CLEC19A: variants seen among roughly 807,000 people sequenced by gnomAD.
CLEC19A encodes the protein C-type lectin domain containing 19A.
A neutral mutation model predicts 26.1 loss-of-function variants in CLEC19A; 21 were observed. The ratio of observed to expected loss-of-function variants is 0.80; its 90% CI spans 0.57 to 1.16. The LOEUF (loss-of-function observed/expected upper bound fraction) is 1.16, where lower values mean the gene tolerates loss of function less well. Ranked by LOEUF, CLEC19A falls within the 50% of genes most tolerant of loss-of-function variation. CLEC19A has a pLI of 0.00. For synonymous variants in CLEC19A, 89 were observed against 88.6 expected (o/e 1.00, Z -0.03); for missense variants, 224 against 227.6 (o/e 0.98, Z 0.10).
intron 1 of CLEC19A, among the ~76,000 whole-genome samples, chr16:19,288,751 G>A (rs933646387): frequency 2.0e-5 from 3 of 152,046 alleles, no homozygotes; most frequent in African/African-American, 4.8e-5. Context: ...ATTCTTCTTC[G>A]ACCATCAAAA....
intron 2 of CLEC19A, among the ~76,000 whole-genome samples, chr16:19,300,225 AAAAT>A (rs35246353): frequency 8.7e-4 from 132 of 150,994 alleles, no homozygotes; most frequent in African/African-American, 2.8e-3. Context: ...TTCTGTCTCA[AAAAT>A]AAATAAATAA....
chr16:19,301,766 T>TTTTA lies in CLEC19A; in HGVS notation c.255-2296_255-2295insTTTA, dbSNP rs1291095115. 2.0e-3 allele frequency among the ~76,000 whole-genome samples: 230 copies of TTTTA among 116,028 alleles called. 10 individuals are homozygous for TTTTA. The highest frequency in any genetic ancestry group is 4.7e-3 in the South Asian group (16 of 3,436). 76.1% of individuals were successfully genotyped at this position (116,028 alleles called of 152,430 possible). ...TTTTTTTTTTTTTTTTTTTTTTTTG[T>TTTTA]ATTTTTAGCAGAGACGGAGTTTCAC... On this transcript the variant is annotated intron_variant, in intron 2 of 4. Transcript: ENST00000636231.
In CLEC19A at chr16:19,309,268, C is replaced by A; in HGVS notation, c.*185C>A. ...TGGCCAAGTGTCAGGAAAGCCAGCT[C>A]AAATTGGCTTAATTTTTTAAAGTGT... On this transcript the variant is annotated 3_prime_UTR_variant, in exon 5 of 5. Coordinates refer to ENST00000636231, the MANE Select transcript of CLEC19A (RefSeq NM_001256720.2). The A allele has an allele frequency of 8.0e-6, 4 of 497,016 alleles. No homozygotes were observed. Among genetic ancestry groups the A allele is most frequent in the South Asian group, 3.1e-5 (1 of 32,546 alleles). The allele number at this position is 497,016 out of a possible 1,614,324, so 30.8% of individuals were successfully genotyped here. A position where few individuals can be genotyped will look rare whatever the true frequency, so the allele number is the denominator to read the frequency against.
intron 1 of CLEC19A, among the ~76,000 whole-genome samples, chr16:19,286,711 G>A (rs1468213807): frequency 6.6e-6 from 1 of 152,140 alleles, no homozygotes; most frequent in Non-Finnish European, 1.5e-5. Flanking sequence ...TTCTTTCCAG[G>A]CTTGTTTATG....
At chr16:19,304,353 C>G in intron 3 of CLEC19A, 198 bp downstream of exon 3, 1 of 419,256 alleles carries the variant, frequency 2.4e-6, no homozygotes, top group Non-Finnish European at 4.3e-6. Flanking sequence ...ATGATGGGAA[C>G]AGATAGCATG....
intron 2 of CLEC19A, among the ~76,000 whole-genome samples, chr16:19,300,899 C>T (rs989504786): frequency 1.3e-5 from 2 of 152,108 alleles, no homozygotes; most frequent in South Asian, 4.1e-4. Context: ...GACTCCCAAG[C>T]CGAGGGGGAA....
intron 4 of CLEC19A, 87 bp downstream of exon 4, chr16:19,307,764 G>A (rs1897988106): frequency 6.6e-7 from 1 of 1,505,156 alleles, no homozygotes. Context: ...TGGGGGAAGA[G>A]GAGCACCTGA....
At chr16:19,302,085 G>A (rs1385298331) in intron 2 of CLEC19A, among the ~76,000 whole-genome samples, 1 of 151,980 alleles carries the variant, frequency 6.6e-6, no homozygotes, top group Non-Finnish European at 1.5e-5. Flanking sequence ...GAGTGAGCAA[G>A]GCTTGTCTCA....
chr16:19,288,126 C>A (rs1376418311), intron 1 of CLEC19A, among the ~76,000 whole-genome samples: 2 of 152,196 alleles, frequency 1.3e-5, no homozygotes, highest in Non-Finnish European at 2.9e-5. Flanking sequence ...GCTACAGAGG[C>A]CAATTGAGCC....
At chr16:19,307,748 G>A in intron 4 of CLEC19A, 71 bp downstream of exon 4, 2 of 1,527,246 alleles carry the variant, frequency 1.3e-6, no homozygotes, top group Non-Finnish European at 1.8e-6. Flanking sequence ...GAGCGGAGAA[G>A]GGCCTTGGGG....
chr16:19,285,847 T>G lies in CLEC19A; in HGVS notation c.-5T>G, dbSNP rs1488898332. 1 of 1,550,398 alleles carries G rather than the reference T, an allele frequency of 6.4e-7. No homozygotes were observed. Among genetic ancestry groups the G allele is most frequent in the Non-Finnish European group, 8.7e-7 (1 of 1,146,934 alleles). On this transcript the variant is annotated 5_prime_UTR_variant, in exon 1 of 5. Coordinates refer to ENST00000636231, the MANE Select transcript of CLEC19A (RefSeq NM_001256720.2). ...GGCTGGGAGGTTGCTTTCTAGGAGCTCAGGATGCAAAGGTGGACACTGTGG... is the reference window on the plus strand; with the variant it reads ...GGCTGGGAGGTTGCTTTCTAGGAGCGCAGGATGCAAAGGTGGACACTGTGG...
rs764855371 is a variant in CLEC19A at position 19,307,649 on chromosome 16, C to A, written c.453C>A (p.Cys151Ter). The part of the protein sequence containing the change: ...GVHADPEEED[C>*]VQIWYRPTSA... ...ACGCGGACCCAGAAGAAGAGGACTG[C>A]GTGCAGATATGGTACAGGCCTACCA... The change falls in exon 4 of 5, where the codon TGC becomes TGA. Residue 151 changes from cysteine (C) to a stop codon, truncating the protein, a stop_gained. Transcript: ENST00000636231. LOFTEE classifies it high-confidence loss of function. 3.2e-6 allele frequency: 5 copies of A among 1,548,312 alleles called. 1 individual carries two copies. The South Asian group carries it at 3.6e-5, about 11-fold the overall frequency.
At chr16:19,291,705 A>T (rs1347636630) in intron 1 of CLEC19A, among the ~76,000 whole-genome samples, 3 of 152,158 alleles carry the variant, frequency 2.0e-5, no homozygotes, top group African/African-American at 7.2e-5. Flanking sequence ...TACTATTCCC[A>T]ATTCCTTAAA....
At chr16:19,301,874 A>G (rs373833691) in intron 2 of CLEC19A, among the ~76,000 whole-genome samples, 5 of 150,532 alleles carry the variant, frequency 3.3e-5, no homozygotes, top group Admixed American at 6.7e-5. Context: ...TATAGGCATG[A>G]GCCACCGCGC....
chr16:19,304,665 C>T (rs1297106099), intron 3 of CLEC19A, among the ~76,000 whole-genome samples: 3 of 151,408 alleles, frequency 2.0e-5, no homozygotes, highest in Non-Finnish European at 4.4e-5. Context: ...CATGCCACTG[C>T]ACTCCAGCCT....
chr16:19,303,568 G>A (rs1419851159), intron 2 of CLEC19A, among the ~76,000 whole-genome samples: 2 of 152,192 alleles, frequency 1.3e-5, no homozygotes, highest in Admixed American at 1.3e-4. Flanking sequence ...GGCAATGCAA[G>A]TTGAAGCCTA....
chr16:19,298,054 C>A (rs1338295146), intron 1 of CLEC19A, among the ~76,000 whole-genome samples: 1 of 151,922 alleles, frequency 6.6e-6, no homozygotes, highest in Non-Finnish European at 1.5e-5. Context: ...ACTTTGAGAG[C>A]AGCCTGACCA....
intron 2 of CLEC19A, among the ~76,000 whole-genome samples, chr16:19,299,654 C>T (rs1346550420): frequency 2.0e-5 from 3 of 152,218 alleles, no homozygotes; most frequent in African/African-American, 7.2e-5. Context: ...ATCTTCAAGA[C>T]AGCTCTGACA....
intron 3 of CLEC19A, among the ~76,000 whole-genome samples, chr16:19,306,647 G>T (rs766925110): frequency 5.3e-5 from 8 of 152,114 alleles, no homozygotes; most frequent in Non-Finnish European, 1.2e-4. Context: ...TCTTTTCAGA[G>T]CTGGGCACCA....
Sources: gnomAD v4.1 joint callset for allele counts (sites outside exome capture counted in the v4.1 genomes callset) on GRCh38, gnomAD v4.1.1 for gene constraint, MANE v1.5 for transcripts, NCBI Gene and HGNC (gene_info 2026-07-23, HGNC 2026-07-21) for gene names.